The following ABL2 variants were observed in gnomAD, a reference collection of about 807,000 sequenced individuals.
ABL2 encodes the protein tyrosine-protein kinase ABL2.
A neutral mutation model predicts 107.7 loss-of-function variants in ABL2; 49 were observed. The observed-to-expected ratio is 0.45, with a 90% CI of 0.36 to 0.58. The LOEUF (loss-of-function observed/expected upper bound fraction) is 0.58, where lower values mean the gene tolerates loss of function less well. ABL2 is among the 20% of genes least tolerant of loss of function. The pLI is 0.00. For synonymous variants in ABL2, 549 were observed against 548.6 expected (o/e 1.00, Z -0.01); for missense variants, 1,245 against 1,457.0 (o/e 0.85, Z 2.37).
intron 1 of ABL2, among the ~76,000 whole-genome samples, chr1:179,204,919 T>C (rs1207741816): frequency 2.6e-5 from 4 of 152,136 alleles, no homozygotes; most frequent in South Asian, 2.1e-4. Flanking sequence ...AGTTACTAGA[T>C]AGAAACATGA....
chr1:179,211,774 G>C (rs1662287728), intron 1 of ABL2, among the ~76,000 whole-genome samples: 1 of 142,320 alleles, frequency 7.0e-6, no homozygotes, highest in Non-Finnish European at 1.5e-5. Context: ...CTGGGTGACA[G>C]AGCAAGAATC....
At chr1:179,122,006 A>G in intron 4 of ABL2, 139 bp from the exon 5 acceptor site, 1 of 822,536 alleles carries the variant, frequency 1.2e-6, no homozygotes, top group Non-Finnish European at 1.8e-6. Context: ...GCTCACTGCA[A>G]GCTCCGCCTC....
At chr1:179,119,632 G>C (rs1031212413) in intron 6 of ABL2, among the ~76,000 whole-genome samples, 4 of 151,392 alleles carry the variant, frequency 2.6e-5, no homozygotes, top group Non-Finnish European at 4.4e-5. Context: ...GACCTGAACA[G>C]TGAAAAGCCA....
intron 1 of ABL2, among the ~76,000 whole-genome samples, chr1:179,134,758 C>T (rs1272110221): frequency 1.3e-5 from 2 of 152,176 alleles, no homozygotes; most frequent in African/African-American, 4.8e-5. Flanking sequence ...TCCCTCTTTC[C>T]ACGGTCTCCC....
Position 179,217,871 on chromosome 1 carries a change from T to TTA in ABL2, c.157+11368_157+11369dup, listed in dbSNP as rs1203402868. ...TAAAAAATACCTAAAAATCTTTGTATTATATATATACATACATATGTATAA... is the reference window on the plus strand; with the variant it reads ...TAAAAAATACCTAAAAATCTTTGTATTATATATATATACATACATATGTATAA... On this transcript the variant is annotated intron_variant, in intron 1 of 11. Transcript: ENST00000502732. 2.6e-5 allele frequency among the ~76,000 whole-genome samples: 4 copies of TTA among 152,260 alleles called. No individual in the cohort carries two copies. The East Asian group carries it at 7.7e-4, about 29-fold the overall frequency.
intron 1 of ABL2, among the ~76,000 whole-genome samples, chr1:179,183,498 T>C (rs1383796109): frequency 2.6e-5 from 4 of 152,138 alleles, no homozygotes; most frequent in Non-Finnish European, 4.4e-5. Flanking sequence ...TTTCTATGTA[T>C]GCAGAAAGCA....
chr1:179,227,087 T>C (rs1346903607), intron 1 of ABL2, among the ~76,000 whole-genome samples: 1 of 152,166 alleles, frequency 6.6e-6, no homozygotes, highest in Non-Finnish European at 1.5e-5. Flanking sequence ...GCCAATCAGG[T>C]AAATGGATAT....
intron 1 of ABL2, among the ~76,000 whole-genome samples, chr1:179,215,299 C>A (rs774988089): frequency 6.6e-6 from 1 of 152,122 alleles, no homozygotes; most frequent in Non-Finnish European, 1.5e-5. Context: ...AAACACCTAT[C>A]GAACCACAAA....
intron 1 of ABL2, among the ~76,000 whole-genome samples, chr1:179,152,891 G>C (rs547948472): frequency 6.6e-6 from 1 of 152,100 alleles, no homozygotes; most frequent in Non-Finnish European, 1.5e-5. Flanking sequence ...TGGAAATAAA[G>C]GATATCGGAA....
chr1:179,183,292 G>A (rs561508228), intron 1 of ABL2, among the ~76,000 whole-genome samples: 8 of 152,208 alleles, frequency 5.3e-5, no homozygotes, highest in African/African-American at 1.7e-4. Context: ...TTCAGGTGAT[G>A]GTTCCACTAA....
intron 1 of ABL2, among the ~76,000 whole-genome samples, chr1:179,181,540 T>C (rs1323720492): frequency 6.6e-6 from 1 of 152,220 alleles, no homozygotes; most frequent in Non-Finnish European, 1.5e-5. Context: ...TGCTTAATGA[T>C]GCTTACACTA....
At chr1:179,135,599 TG>T (rs1387862701) in intron 1 of ABL2, among the ~76,000 whole-genome samples, 2 of 146,224 alleles carry the variant, frequency 1.4e-5, no homozygotes, top group East Asian at 2.1e-4. Flanking sequence ...GGGAGGGAGG[TG>T]GGGGGGTCAG....
chr1:179,177,307 T>C (rs917902361), intron 1 of ABL2, among the ~76,000 whole-genome samples: 9 of 152,150 alleles, frequency 5.9e-5, no homozygotes, highest in African/African-American at 2.2e-4. Context: ...ATTCCAAAGA[T>C]GCCCCGAGAT....
chr1:179,218,222 C>A (rs1211668157), intron 1 of ABL2, among the ~76,000 whole-genome samples: 1 of 152,096 alleles, frequency 6.6e-6, no homozygotes, highest in Admixed American at 6.5e-5. Context: ...TCTCAAGAGA[C>A]CTCTAATGTA....
chr1:179,113,642 G>T (rs1402598183), intron 9 of ABL2, among the ~76,000 whole-genome samples: 1 of 151,400 alleles, frequency 6.6e-6, no homozygotes, highest in Non-Finnish European at 1.5e-5. Context: ...TCTACTAAAA[G>T]TACAGGCCGG....
chr1:179,126,207 T>A lies in ABL2; in HGVS notation c.687+170A>T, dbSNP rs1045884240. Among the ~76,000 whole-genome samples the A allele has an allele frequency of 7.9e-5, 12 of 152,202 alleles. No homozygotes were observed. Among genetic ancestry groups the A allele is most frequent in the African/African-American group, 2.7e-4 (11 of 41,452 alleles). ...GTTTTTAAAAATTTCTATTACCATA[T>A]CCTTTTCAAGAGTACAAGCTCTAAC... On this transcript the variant is annotated intron_variant, in intron 4 of 11. Transcript: ENST00000502732. The surrounding 1 kb of genome is among the most constrained non-coding windows in gnomAD (Gnocchi z 4.4).
In ABL2 at chr1:179,190,313, G is replaced by C. The variant is rs575102645; in HGVS notation, c.157+38928C>G. ...GCAAGAGTGGCTCACGGAACTCAGG[G>C]AAACACTTTACATACGTTTACTTAT... On this transcript the variant is annotated intron_variant, in intron 1 of 11. Transcript: ENST00000502732. Among the ~76,000 whole-genome samples, 5 of 152,166 alleles carry C rather than the reference G, an allele frequency of 3.3e-5. No homozygotes were observed. In the East Asian group the frequency reaches 9.7e-4, roughly 29 times the overall value.
At chr1:179,184,672 T>G in intron 1 of ABL2, 1 of 462,838 alleles carries the variant, frequency 2.2e-6, no homozygotes, top group Non-Finnish European at 4.0e-6. Flanking sequence ...GGAAGGACAG[T>G]AGGGTGAAGG....
chr1:179,108,862 G>A lies in ABL2; in HGVS notation c.2405C>T (p.Pro802Leu). 6.2e-7 allele frequency: 1 copy of A among 1,614,172 alleles called. No individual in the cohort carries two copies. Among genetic ancestry groups the A allele is most frequent in the Non-Finnish European group, 8.5e-7 (1 of 1,180,046 alleles). Residue 802 changes from proline to leucine, a missense_variant, in exon 12 of 12, where the codon CCC (proline) becomes CTC (leucine). By Grantham distance (98) the Pro-to-Leu change is moderately conservative. This residue lies in a region of ABL2 where 761 missense variants were observed against 766.4 expected (regional missense o/e 0.99). Coordinates refer to ENST00000502732, the MANE Select transcript of ABL2 (RefSeq NM_007314.4). ...GAGTTTGGACCTCTGGCAGTTCCTG[G>A]GAAGGGTCATTGCCATCCTATCCTG... ...PEQDRMAMTL[P>L]RNCQRSKLQL... is the part of the protein sequence containing the mutation.
Sources: gnomAD v4.1 joint callset for allele counts (sites outside exome capture counted in the v4.1 genomes callset) on GRCh38, gnomAD v4.1.1 for gene constraint, gnomAD v4.1.1 regional missense constraint, Gnocchi (gnomAD v3.1) non-coding constraint, MANE v1.5 for transcripts, NCBI Gene and HGNC (gene_info 2026-07-23, HGNC 2026-07-21) for gene names.